SCAPER: variants seen among roughly 807,000 people sequenced by gnomAD.
The protein encoded by SCAPER is S phase cyclin A-associated protein in the endoplasmic reticulum.
SCAPER carries 98 observed loss-of-function variants against 182.2 expected under a neutral mutation model. The ratio of observed to expected loss-of-function variants is 0.54; its 90% CI spans 0.46 to 0.64. The LOEUF is 0.64. Ranked by LOEUF, SCAPER falls within the 30% of genes least tolerant of loss-of-function variation. The pLI is 0.00. For missense variants in SCAPER, 1,432 were observed against 1,690.0 expected (o/e 0.85, Z 2.68); for synonymous variants, 605 against 564.6 (o/e 1.07, Z -1.01).
chr15:76,765,274 A>C, intron 13 of SCAPER, 63 bp downstream of exon 13: 1 of 1,305,488 alleles, frequency 7.7e-7, no homozygotes, highest in Non-Finnish European at 1.1e-6. Context: ...ATTTTATTTA[A>C]CAGTCAAGAG....
intron 5 of SCAPER, among the ~76,000 whole-genome samples, chr15:76,818,518 G>A (rs2067260356): frequency 6.6e-6 from 1 of 152,164 alleles, no homozygotes; most frequent in Non-Finnish European, 1.5e-5. Context: ...ACAAGCCACA[G>A]ACAGGGAGAA....
At position 76,805,802 on chromosome 15, in the gene SCAPER, C is replaced by T. The variant is rs562488039; in HGVS notation, c.394-1169G>A. On this transcript the variant is annotated intron_variant, in intron 5 of 31. Coordinates refer to ENST00000563290, the MANE Select transcript of SCAPER (RefSeq NM_020843.4). ...CAGGATGGTCTCAATCTCCTGACCT[C>T]GTGATCCACCTGCTTCGGCCTCCCA... Among the ~76,000 whole-genome samples, 5 of 152,098 alleles carry T rather than the reference C, an allele frequency of 3.3e-5. No homozygotes were observed. In the East Asian group the frequency reaches 9.7e-4, roughly 29 times the overall value.
intron 22 of SCAPER, among the ~76,000 whole-genome samples, chr15:76,605,338 T>A (rs79318762): frequency 0.39 from 58,998 of 151,722 alleles, 13,191 homozygotes; most frequent in Middle Eastern, 0.52. Flanking sequence ...TTGATTTGCG[T>A]ATGTTGAACC....
At chr15:76,721,984 A>G (rs1001144652) in intron 17 of SCAPER, among the ~76,000 whole-genome samples, 4 of 152,100 alleles carry the variant, frequency 2.6e-5, no homozygotes, top group African/African-American at 7.2e-5. Context: ...GTGGTGAGAG[A>G]GGGCATCCCT....
intron 29 of SCAPER, among the ~76,000 whole-genome samples, chr15:76,355,928 G>C (rs552260163): frequency 6.6e-6 from 1 of 152,364 alleles, no homozygotes; most frequent in Admixed American, 6.5e-5. Context: ...GATTGCAGAA[G>C]ATGCAAATGG....
chr15:76,605,124 G>A (rs1418615896), intron 22 of SCAPER, among the ~76,000 whole-genome samples: 1 of 152,156 alleles, frequency 6.6e-6, no homozygotes, highest in Non-Finnish European at 1.5e-5. Context: ...AATGCTTCCA[G>A]TTTTTGCTCA....
At chr15:76,599,125 C>T (rs1345283372) in intron 22 of SCAPER, among the ~76,000 whole-genome samples, 1 of 119,522 alleles carries the variant, frequency 8.4e-6, no homozygotes, top group Non-Finnish European at 2.0e-5. Flanking sequence ...TAGACACTTG[C>T]CATAAGAAGA....
In SCAPER at chr15:76,602,816, C is replaced by T. The variant is rs1333229063; in HGVS notation, c.2711+18948G>A. Among the ~76,000 whole-genome samples, 2 of 118,192 alleles carry T rather than the reference C, an allele frequency of 1.7e-5. 1 individual carries two copies. Among genetic ancestry groups the T allele is most frequent in the Non-Finnish European group, 4.1e-5 (2 of 49,152 alleles). The allele number at this position is 118,192 out of a possible 152,430, so 77.5% of individuals were successfully genotyped here. A position where few individuals can be genotyped will look rare whatever the true frequency, so the allele number is the denominator to read the frequency against. On this transcript the variant is annotated intron_variant, in intron 22 of 31. Coordinates refer to ENST00000563290, the MANE Select transcript of SCAPER (RefSeq NM_020843.4). The stretch of plus-strand genomic sequence containing the variant: ...TTTTGGAAGTTACTATTGTCATATC[C>T]TCAAGCTGAGATTATTTCCTCAGCT...
intron 21 of SCAPER, among the ~76,000 whole-genome samples, chr15:76,662,743 A>G (rs890213312): frequency 6.6e-6 from 1 of 152,164 alleles, no homozygotes; most frequent in African/African-American, 2.4e-5. Context: ...CAAAAATGGT[A>G]GTAGAGCAGG....
At chr15:76,738,541 CAA>C (rs71143360) in intron 15 of SCAPER, among the ~76,000 whole-genome samples, 1 of 144,062 alleles carries the variant, frequency 6.9e-6, no homozygotes, top group Non-Finnish European at 1.5e-5. Context: ...GACTCTGTCT[CAA>C]AAAAAAAAAA....
intron 17 of SCAPER, among the ~76,000 whole-genome samples, chr15:76,709,203 C>T (rs2059431422): frequency 6.6e-6 from 1 of 152,208 alleles, no homozygotes; most frequent in Non-Finnish European, 1.5e-5. Flanking sequence ...GCAATCTCGA[C>T]TCACTGCAAC....
At chr15:76,545,262 G>C (rs1010340060) in intron 23 of SCAPER, among the ~76,000 whole-genome samples, 1 of 152,182 alleles carries the variant, frequency 6.6e-6, no homozygotes, top group Admixed American at 6.5e-5. Context: ...GTGTTCTTTT[G>C]ACAAGAACTC....
At chr15:76,778,056 T>G (rs551274408) in intron 8 of SCAPER, among the ~76,000 whole-genome samples, 12 of 152,278 alleles carry the variant, frequency 7.9e-5, no homozygotes, top group African/African-American at 2.9e-4. Flanking sequence ...TGGGTAAGAT[T>G]CAGCATGGAT....
intron 8 of SCAPER, among the ~76,000 whole-genome samples, chr15:76,786,326 CA>C (rs35708368): frequency 8.3e-4 from 92 of 110,958 alleles, no homozygotes; most frequent in African/African-American, 1.5e-3. Flanking sequence ...GACTCTGTCT[CA>C]AAAAAAAAAA....
intron 23 of SCAPER, among the ~76,000 whole-genome samples, chr15:76,526,246 T>G (rs1292644945): frequency 6.6e-6 from 1 of 152,204 alleles, no homozygotes; most frequent in Non-Finnish European, 1.5e-5. Flanking sequence ...TCTTCATTCT[T>G]GAGTGTTTTA....
At chr15:76,484,631 T>G (rs1639081092) in intron 24 of SCAPER, among the ~76,000 whole-genome samples, 1 of 152,056 alleles carries the variant, frequency 6.6e-6, no homozygotes, top group African/African-American at 2.4e-5. Context: ...CCTCCTTAAC[T>G]CATTCTATGA....
intron 26 of SCAPER, among the ~76,000 whole-genome samples, chr15:76,422,254 TG>T (rs2046101702): frequency 6.6e-6 from 1 of 152,224 alleles, no homozygotes; most frequent in African/African-American, 2.4e-5. Context: ...TCCATAAGCA[TG>T]GAATGTTCTT....
intron 15 of SCAPER, among the ~76,000 whole-genome samples, chr15:76,741,340 A>C (rs924178429): frequency 1.3e-5 from 2 of 152,128 alleles, no homozygotes; most frequent in African/African-American, 4.8e-5. Context: ...AATCACTTTT[A>C]AAATAAAAAT....
intron 24 of SCAPER, chr15:76,472,043 G>GTC: frequency 3.7e-6 from 1 of 269,704 alleles, no homozygotes; most frequent in Non-Finnish European, 7.3e-6. Flanking sequence ...AGCCCGACCA[G>GTC]TCTGCCTGCT....
Sources: allele counts gnomAD v4.1 joint callset (sites outside exome capture counted in the v4.1 genomes callset), GRCh38; gene constraint gnomAD v4.1.1; transcripts MANE v1.5; gene names NCBI Gene and HGNC (gene_info 2026-07-23, HGNC 2026-07-21).